ATF7: variants seen among roughly 807,000 people sequenced by gnomAD.
The protein encoded by ATF7 is cyclic AMP-dependent transcription factor ATF-7.
A neutral mutation model predicts 50.4 loss-of-function variants in ATF7; 10 were observed. The ratio of observed to expected loss-of-function variants is 0.20; its 90% confidence interval spans 0.12 to 0.34. ATF7 has a LOEUF of 0.34. Ranked by LOEUF, ATF7 falls within the 10% of genes least tolerant of loss-of-function variation. The pLI is 1.00. For synonymous variants in ATF7, 201 were observed against 226.4 expected (o/e 0.89, Z 1.01); for missense variants, 465 against 613.9 (o/e 0.76, Z 2.56).
chr12:53,579,369 T>C (rs987658777), intron 2 of ATF7, among the ~76,000 whole-genome samples: 8 of 151,708 alleles, frequency 5.3e-5, no homozygotes, highest in East Asian at 1.9e-4. Context: ...GCCATCAAAA[T>C]AGTGAAATGC....
intron 2 of ATF7, among the ~76,000 whole-genome samples, chr12:53,560,969 A>T: frequency 6.9e-6 from 1 of 145,364 alleles, no homozygotes. Context: ...TTTTTTACAC[A>T]GGGTCTCACT....
intron 1 of ATF7, among the ~76,000 whole-genome samples, chr12:53,622,373 CA>C (rs1305525172): frequency 6.6e-6 from 1 of 151,888 alleles, no homozygotes; most frequent in Non-Finnish European, 1.5e-5. Context: ...GTAATCCCAG[CA>C]CTTTGAGAGG....
At chr12:53,596,226 G>A (rs1943148755) in intron 2 of ATF7, among the ~76,000 whole-genome samples, 1 of 152,192 alleles carries the variant, frequency 6.6e-6, no homozygotes, top group Non-Finnish European at 1.5e-5. Context: ...CTTGAACCCA[G>A]GAGGTAGAGG....
intron 2 of ATF7, among the ~76,000 whole-genome samples, chr12:53,581,457 C>G (rs1942422053): frequency 6.6e-6 from 1 of 152,124 alleles, no homozygotes; most frequent in Admixed American, 6.5e-5. Flanking sequence ...ATATAACACA[C>G]CTTAACAAGT....
At chr12:53,618,572 CAA>C (rs1944239541) in intron 1 of ATF7, among the ~76,000 whole-genome samples, 1 of 152,090 alleles carries the variant, frequency 6.6e-6, no homozygotes, top group Non-Finnish European at 1.5e-5. Context: ...TGCTGCCTGC[CAA>C]TGTAAAGTCT....
At position 53,567,457 on chromosome 12, in the gene ATF7, T is replaced by C. The variant is rs564993334; in HGVS notation, c.49-14820A>G. 4.6e-5 allele frequency among the ~76,000 whole-genome samples: 7 copies of C among 152,352 alleles called. No individual in the cohort carries two copies. In the South Asian group the frequency reaches 1.2e-3, roughly 27 times the overall value. On this transcript the variant is annotated intron_variant, in intron 2 of 11. Transcript: ENST00000420353. ...TAGACTGGAGCAGCATGTTTTCTTA[T>C]TTCTCGCTGCCCCTCTTCCTCAATA... is the stretch of plus-strand genomic sequence containing the variant.
chr12:53,567,986 G>T (rs1941536839), intron 2 of ATF7, among the ~76,000 whole-genome samples: 1 of 152,096 alleles, frequency 6.6e-6, no homozygotes, highest in African/African-American at 2.4e-5. Flanking sequence ...CTTCTAATTT[G>T]CTACACATTA....
chr12:53,563,591 T>C (rs1262080623), intron 2 of ATF7, among the ~76,000 whole-genome samples: 1 of 152,248 alleles, frequency 6.6e-6, no homozygotes, highest in Non-Finnish European at 1.5e-5. Flanking sequence ...CACTCCAGCC[T>C]GGGCAACAGA....
intron 9 of ATF7, among the ~76,000 whole-genome samples, chr12:53,526,953 G>A (rs942443212): frequency 6.7e-6 from 1 of 150,222 alleles, no homozygotes; most frequent in African/African-American, 2.5e-5. Flanking sequence ...GAGGTCAGAA[G>A]TTCAAGACCA....
In ATF7 at chr12:53,524,869, C is replaced by G; in HGVS notation, c.928-108G>C. The G allele has an allele frequency of 4.9e-6, 5 of 1,027,918 alleles. No homozygotes were observed. The highest frequency in any genetic ancestry group is 6.8e-6 in the Non-Finnish European group (5 of 731,176). 63.7% of individuals were successfully genotyped at this position (1,027,918 alleles called of 1,614,324 possible). On this transcript the variant is annotated intron_variant, in intron 9 of 11. Coordinates refer to ENST00000420353, the MANE Select transcript of ATF7 (RefSeq NM_006856.3). The surrounding 1 kb of genome is among the most constrained non-coding windows in gnomAD (Gnocchi z 4.6). ...AGATCTGGTAAAAGGATATACCAGC[C>G]TCTGGTAACCACAGCAAGTCTCATT...
chr12:53,574,429 A>G (rs1201298554), intron 2 of ATF7, among the ~76,000 whole-genome samples: 2 of 152,182 alleles, frequency 1.3e-5, no homozygotes, highest in Non-Finnish European at 2.9e-5. Context: ...TTCTTTCTCC[A>G]TGGTGAGCAG....
intron 2 of ATF7, among the ~76,000 whole-genome samples, chr12:53,558,891 C>T (rs1037288848): frequency 7.9e-5 from 12 of 152,080 alleles, no homozygotes; most frequent in African/African-American, 2.9e-4. Context: ...AAACTCTTTC[C>T]ATTTCTAGTA....
At chr12:53,587,094 C>T (rs575433996) in intron 2 of ATF7, among the ~76,000 whole-genome samples, 2 of 152,244 alleles carry the variant, frequency 1.3e-5, no homozygotes, top group South Asian at 4.1e-4. Context: ...GTGCTGGGCA[C>T]GGTGGCTCAC....
At chr12:53,588,268 T>C (rs901953849) in intron 2 of ATF7, among the ~76,000 whole-genome samples, 20 of 152,172 alleles carry the variant, frequency 1.3e-4, no homozygotes, top group African/African-American at 4.1e-4. Flanking sequence ...CACAGCACAG[T>C]TTCTAAGACA....
intron 2 of ATF7, among the ~76,000 whole-genome samples, chr12:53,582,609 C>T (rs928744577): frequency 2.0e-5 from 3 of 152,148 alleles, no homozygotes; most frequent in Non-Finnish European, 2.9e-5. Context: ...GACGGAGTCT[C>T]GTTCTGTCGC....
chr12:53,553,585 C>CA lies in ATF7; in HGVS notation c.49-949dup, dbSNP rs930031090. On this transcript the variant is annotated intron_variant, in intron 2 of 11. Coordinates refer to ENST00000420353, the MANE Select transcript of ATF7 (RefSeq NM_006856.3). ...CTTAAAAGGGGGAGAGTGAAGGGAACAGATGAACAGCAGTAATTCAAAAGA... is the reference window on the plus strand; with the variant it reads ...CTTAAAAGGGGGAGAGTGAAGGGAACAAGATGAACAGCAGTAATTCAAAAGA... 9.7e-4 allele frequency among the ~76,000 whole-genome samples: 147 copies of CA among 152,196 alleles called. 2 individuals carry two copies. The highest frequency in any genetic ancestry group is 3.2e-3 in the African/African-American group (131 of 41,514).
chr12:53,599,779 C>A (rs2033308), intron 2 of ATF7, among the ~76,000 whole-genome samples: 27,438 of 152,048 alleles, frequency 0.18, 3,042 homozygotes, highest in East Asian at 0.56. Flanking sequence ...CAGTAAGTGT[C>A]AGTGGACAGT....
At position 53,616,761 on chromosome 12, in the gene ATF7, A is replaced by T. The variant is rs148388156; in HGVS notation, c.-22+9518T>A. Among the ~76,000 whole-genome samples the T allele has an allele frequency of 4.1e-3, 615 of 151,316 alleles. 1 individual carries two copies. Among genetic ancestry groups the T allele is most frequent in the African/African-American group, 0.014 (564 of 41,292 alleles). On this transcript the variant is annotated intron_variant, in intron 1 of 11. Transcript: ENST00000420353. ...AGTTCGAGACCAGCCTGGGCAACAC[A>T]GTGAAACCCCATCTCTACTAAGATA...
chr12:53,567,620 G>A (rs770258893), intron 2 of ATF7, among the ~76,000 whole-genome samples: 4 of 152,160 alleles, frequency 2.6e-5, no homozygotes, highest in Non-Finnish European at 5.9e-5. Context: ...AACTTTAAAG[G>A]ACCAGTGCCT....
Sources: gnomAD v4.1 joint callset for allele counts (sites outside exome capture counted in the v4.1 genomes callset) on GRCh38, gnomAD v4.1.1 for gene constraint, Gnocchi (gnomAD v3.1) non-coding constraint, MANE v1.5 for transcripts, NCBI Gene and HGNC (gene_info 2026-07-23, HGNC 2026-07-21) for gene names.